Variants in KCTD1 observed in about 807,000 individuals in gnomAD.
The protein encoded by KCTD1 is BTB/POZ domain-containing protein KCTD1.
KCTD1 carries 24 observed loss-of-function variants against 66.0 expected under a neutral mutation model. The ratio of observed to expected loss-of-function variants is 0.36; its 90% CI spans 0.26 to 0.51. The LOEUF (loss-of-function observed/expected upper bound fraction) is 0.51. Ranked by LOEUF, KCTD1 falls within the 20% of genes least tolerant of loss-of-function variation. The probability of loss-of-function intolerance (pLI) is 0.95; values close to 1 mark genes in which losing one functional copy is unlikely to be tolerated. For missense variants in KCTD1, 943 were observed against 1,205.2 expected (o/e 0.78, Z 3.22); for synonymous variants, 511 against 517.2 (o/e 0.99, Z 0.16).
At chr18:26,572,082 C>T (rs562729728) in intron 1 of KCTD1, among the ~76,000 whole-genome samples, 4 of 146,312 alleles carry the variant, frequency 2.7e-5, no homozygotes, top group Non-Finnish European at 6.0e-5. Context: ...TTTTTTGAGA[C>T]GTAGTCTCGC....
intron 1 of KCTD1, among the ~76,000 whole-genome samples, chr18:26,589,191 G>T (rs572012435): frequency 1.3e-5 from 2 of 152,346 alleles, no homozygotes; most frequent in South Asian, 2.1e-4. Flanking sequence ...ACGTGAATGT[G>T]AGTGAGGGCA....
At chr18:26,487,935 T>C (rs1981999177) in intron 2 of KCTD1, among the ~76,000 whole-genome samples, 1 of 152,268 alleles carries the variant, frequency 6.6e-6, no homozygotes, top group Non-Finnish European at 1.5e-5. Context: ...GATGATCATG[T>C]ACAGGCATTG....
At chr18:26,486,380 G>A (rs375699231) in intron 2 of KCTD1, among the ~76,000 whole-genome samples, 11 of 152,208 alleles carry the variant, frequency 7.2e-5, no homozygotes, top group East Asian at 5.8e-4. Context: ...CACAGTGTCC[G>A]TCTGTCCCAG....
In KCTD1 at chr18:26,484,990, C is replaced by T. The variant is rs540860645; in HGVS notation, c.1989-8331G>A. ...TTGACCTGAGCGGGGTAGATAAGGG[C>T]GCCATTATTCACAAGAGTTTTGGCA... is the stretch of plus-strand genomic sequence containing the variant. On this transcript the variant is annotated intron_variant, in intron 2 of 4. Transcript: ENST00000580059. Among the ~76,000 whole-genome samples the T allele has an allele frequency of 4.6e-5, 7 of 152,254 alleles. No homozygotes were observed. The East Asian group carries it at 9.7e-4, about 21-fold the overall frequency.
rs1012947674 is a variant in KCTD1 at position 26,574,293 on chromosome 18, T to C, written c.-16+54854A>G. Among the ~76,000 whole-genome samples, 33 of 152,366 alleles carry C rather than the reference T, an allele frequency of 2.2e-4. 1 individual carries two copies. Among genetic ancestry groups the C allele is most frequent in the Admixed American group, 1.2e-3 (18 of 15,302 alleles). Reference sequence around the variant, plus strand: ...TATAAAAGCTGACAAATGAATGAGCTGATGTCAGATATTTGTTCTAAATAT... The same window carrying C: ...TATAAAAGCTGACAAATGAATGAGCCGATGTCAGATATTTGTTCTAAATAT... On this transcript the variant is annotated intron_variant, in intron 1 of 4. Transcript: ENST00000317932.
At chr18:26,511,782 G>A (rs1228366331) in intron 1 of KCTD1, among the ~76,000 whole-genome samples, 1 of 152,196 alleles carries the variant, frequency 6.6e-6, no homozygotes. Context: ...GGAGGAGGGA[G>A]AGATTTGCCT....
chr18:26,539,561 C>T (rs549946184), intron 1 of KCTD1, among the ~76,000 whole-genome samples: 1 of 152,310 alleles, frequency 6.6e-6, no homozygotes, highest in African/African-American at 2.4e-5. Flanking sequence ...GAGATTGTGA[C>T]AGTTTATATC....
chr18:26,522,933 C>T (rs1983981905), intron 1 of KCTD1, among the ~76,000 whole-genome samples: 1 of 152,124 alleles, frequency 6.6e-6, no homozygotes, highest in Non-Finnish European at 1.5e-5. Context: ...TAAACATCTC[C>T]CACAGTGCCT....
intron 1 of KCTD1, among the ~76,000 whole-genome samples, chr18:26,538,162 G>T (rs566482010): frequency 6.6e-6 from 1 of 152,052 alleles, no homozygotes; most frequent in Non-Finnish European, 1.5e-5. Context: ...CAGAAGAATC[G>T]CTTGAACCCA....
intron 1 of KCTD1, among the ~76,000 whole-genome samples, chr18:26,653,026 C>T (rs150211973): frequency 6.6e-6 from 1 of 152,204 alleles, no homozygotes; most frequent in Non-Finnish European, 1.5e-5. Context: ...ATTTCCCCTA[C>T]CCTAACCCCA....
intron 1 of KCTD1, among the ~76,000 whole-genome samples, chr18:26,510,190 T>A (rs1471542487): frequency 6.6e-6 from 1 of 152,150 alleles, no homozygotes; most frequent in African/African-American, 2.4e-5. Flanking sequence ...TATTACATTG[T>A]GGGGTGCAGA....
intron 1 of KCTD1, among the ~76,000 whole-genome samples, chr18:26,518,510 C>G (rs909556666): frequency 4.6e-5 from 7 of 152,130 alleles, no homozygotes; most frequent in Non-Finnish European, 4.4e-5. Context: ...GTGATCTGCC[C>G]ACCTTGGCCT....
intron 1 of KCTD1, among the ~76,000 whole-genome samples, chr18:26,558,548 G>A (rs1167663511): frequency 6.6e-6 from 1 of 152,154 alleles, no homozygotes; most frequent in Admixed American, 6.5e-5. Context: ...AGATTTGGAA[G>A]CAACCTAAGT....
At position 26,547,074 on chromosome 18, in the gene KCTD1, GC is replaced by G. The variant is rs1985271722; in HGVS notation, c.1462del (p.Ala488HisfsTer39). On this transcript the variant is annotated frameshift_variant, in exon 1 of 5. Transcript: ENST00000580059. LOFTEE classifies it high-confidence loss of function. ...GGGGGGGTGGTGGGAGTGGTGCCGT[GC>G]CGCCCCGTTCAGAGCCTCGGCGTAG... ...GCYAEALNGA[A>X]RHHSHHPPTH... 6.5e-7 allele frequency: 1 copy of G among 1,533,382 alleles called. No homozygotes were observed. Among genetic ancestry groups the G allele is most frequent in the Non-Finnish European group, 8.8e-7 (1 of 1,141,164 alleles). The allele number at this position is 1,533,382 out of a possible 1,614,324, so 95.0% of individuals were successfully genotyped here. A position where few individuals can be genotyped will look rare whatever the true frequency, so the allele number is the denominator to read the frequency against.
chr18:26,633,961 T>C (rs1987671472), upstream of KCTD1, among the ~76,000 whole-genome samples: 4 of 152,194 alleles, frequency 2.6e-5, no homozygotes, highest in South Asian at 6.2e-4. Flanking sequence ...CTGTGGTATA[T>C]GCATACAACG....
intron 2 of KCTD1, among the ~76,000 whole-genome samples, chr18:26,496,679 G>A (rs1281563172): frequency 6.6e-6 from 1 of 151,846 alleles, no homozygotes; most frequent in Non-Finnish European, 1.5e-5. Flanking sequence ...ACCTTGAGGT[G>A]TAAAAGTCAA....
At chr18:26,657,247 G>C (rs1234163110) in intron 1 of KCTD1, 2 of 813,798 alleles carry the variant, frequency 2.5e-6, no homozygotes, top group Non-Finnish European at 3.0e-6. Flanking sequence ...GTGTGTGCGA[G>C]TGTGCCGCGC....
intron 2 of KCTD1, among the ~76,000 whole-genome samples, chr18:26,492,512 A>G (rs1332234306): frequency 6.6e-6 from 1 of 152,076 alleles, no homozygotes; most frequent in African/African-American, 2.4e-5. Flanking sequence ...GTGTGCCTGT[A>G]GTCCCAGCTA....
chr18:26,501,937 G>A (rs1055019883), intron 1 of KCTD1, among the ~76,000 whole-genome samples: 2 of 152,252 alleles, frequency 1.3e-5, no homozygotes. Context: ...TTCCCAAAGT[G>A]TAACTGAGGC....
Sources: allele counts gnomAD v4.1 joint callset (sites outside exome capture counted in the v4.1 genomes callset), GRCh38; gene constraint gnomAD v4.1.1; transcripts MANE v1.5; gene names NCBI Gene and HGNC (gene_info 2026-07-23, HGNC 2026-07-21).